GFRA2: variants seen among roughly 807,000 people sequenced by gnomAD.
GFRA2 encodes the protein GDNF family receptor alpha-2.
In GFRA2, 17 loss-of-function variants were observed where a neutral mutation model predicts 48.3. The observed-to-expected ratio is 0.35, with a 90% CI of 0.24 to 0.53. The LOEUF is 0.53. Among genes scored for constraint, GFRA2 ranks in the 20% least tolerant of loss-of-function variants. The probability of loss-of-function intolerance (pLI) is 0.93; values close to 1 mark genes in which losing one functional copy is unlikely to be tolerated. For missense variants in GFRA2, 660 were observed against 637.3 expected, an observed-to-expected ratio of 1.04 and a Z score of -0.38; for synonymous variants, 305 against 257.2, an observed-to-expected ratio of 1.19 and a Z score of -1.78.
At chr8:21,792,689 G>T (rs1807596245), upstream of GFRA2, among the ~76,000 whole-genome samples, 1 of 152,218 alleles carries the variant, frequency 6.6e-6, no homozygotes, top group Admixed American at 6.5e-5. Flanking sequence ...GCTGGAGCTG[G>T]AAGGATGGGT....
At chr8:21,695,518 C>T (rs1411447651) in intron 7 of GFRA2, among the ~76,000 whole-genome samples, 1 of 152,162 alleles carries the variant, frequency 6.6e-6, no homozygotes, top group Non-Finnish European at 1.5e-5. Context: ...GAGACGCTGG[C>T]CAAGAGTAGA....
At chr8:21,695,157 G>A (rs1001130010) in intron 7 of GFRA2, among the ~76,000 whole-genome samples, 4 of 152,220 alleles carry the variant, frequency 2.6e-5, no homozygotes, top group African/African-American at 9.6e-5. Flanking sequence ...TGTGGGCAAG[G>A]TGAGGGACGA....
intron 3 of GFRA2, among the ~76,000 whole-genome samples, chr8:21,766,510 C>T (rs146991058): frequency 9.2e-5 from 14 of 151,846 alleles, no homozygotes; most frequent in Non-Finnish European, 1.5e-4. Flanking sequence ...GCCTAAGCTC[C>T]CCGAGTTAGC....
At chr8:21,709,615 C>A (rs1802916457) in intron 4 of GFRA2, among the ~76,000 whole-genome samples, 1 of 152,180 alleles carries the variant, frequency 6.6e-6, no homozygotes, top group East Asian at 1.9e-4. Context: ...GGGACTGGGG[C>A]AGTGGGAGAT....
At chr8:21,789,730 C>T (rs1251420674), upstream of GFRA2, among the ~76,000 whole-genome samples, 1 of 151,946 alleles carries the variant, frequency 6.6e-6, no homozygotes, top group Non-Finnish European at 1.5e-5. Flanking sequence ...CGCTTGCCTC[C>T]CGCCCGCCCC....
At chr8:21,784,031 G>A (rs1223556360) in intron 1 of GFRA2, among the ~76,000 whole-genome samples, 11 of 151,346 alleles carry the variant, frequency 7.3e-5, no homozygotes, top group African/African-American at 1.9e-4. Context: ...TCCCCTCCTC[G>A]GACCCCAGCC....
chr8:21,724,227 T>TG (rs1201578361), intron 4 of GFRA2, among the ~76,000 whole-genome samples: 5 of 151,718 alleles, frequency 3.3e-5, no homozygotes, highest in African/African-American at 9.7e-5. Context: ...GATGGTCTTG[T>TG]GTGGGGGGCC....
intron 3 of GFRA2, among the ~76,000 whole-genome samples, chr8:21,754,761 G>A (rs540566145): frequency 3.2e-4 from 49 of 152,138 alleles, no homozygotes; most frequent in Non-Finnish European, 1.0e-4. Flanking sequence ...CGCCCGCCTC[G>A]GCCTCCAAAA....
chr8:21,738,516 T>C (rs77794910), intron 4 of GFRA2, among the ~76,000 whole-genome samples: 1 of 152,004 alleles, frequency 6.6e-6, no homozygotes, highest in African/African-American at 2.4e-5. Flanking sequence ...AAAACACTAG[T>C]TGAATCATGT....
At chr8:21,743,247 C>T (rs985920871) in intron 4 of GFRA2, among the ~76,000 whole-genome samples, 2 of 152,110 alleles carry the variant, frequency 1.3e-5, no homozygotes, top group African/African-American at 4.8e-5. Context: ...GGCCTTTTCC[C>T]CCCGACACTC....
intron 7 of GFRA2, among the ~76,000 whole-genome samples, chr8:21,701,370 G>A (rs1802467736): frequency 6.6e-6 from 1 of 152,302 alleles, no homozygotes; most frequent in African/African-American, 2.4e-5. Flanking sequence ...CTCCAGCCTG[G>A]GCGAGACTGC....
chr8:21,743,252 A>T (rs1472654234), intron 4 of GFRA2, among the ~76,000 whole-genome samples: 2 of 151,956 alleles, frequency 1.3e-5, no homozygotes, highest in Non-Finnish European at 2.9e-5. Context: ...TTTCCCCCCG[A>T]CACTCCTCTG....
At chr8:21,719,722 G>A (rs916090381) in intron 4 of GFRA2, among the ~76,000 whole-genome samples, 4 of 152,160 alleles carry the variant, frequency 2.6e-5, no homozygotes, top group South Asian at 2.1e-4. Context: ...ATGCTGATAC[G>A]GTTCTTGCTG....
chr8:21,723,379 A>G (rs553998355), intron 4 of GFRA2, among the ~76,000 whole-genome samples: 2 of 152,196 alleles, frequency 1.3e-5, no homozygotes, highest in Non-Finnish European at 2.9e-5. Context: ...AGGAAGAAAA[A>G]TCTGAGTCTA....
At chr8:21,748,937 G>A (rs771627878) in intron 4 of GFRA2, among the ~76,000 whole-genome samples, 3 of 152,088 alleles carry the variant, frequency 2.0e-5, no homozygotes, top group Non-Finnish European at 4.4e-5. Context: ...CTTCTTCCCT[G>A]GCTTTCTCCT....
chr8:21,753,318 A>G lies in GFRA2; in HGVS notation c.440-2376T>C, dbSNP rs531072116. On this transcript the variant is annotated intron_variant, in intron 3 of 8. Transcript: ENST00000524240. ...ATTTTGAAAATGTAATAAGAAAAAA[A>G]TTATGTAGGCTGGACACGGTGGTTC... 6.6e-5 allele frequency among the ~76,000 whole-genome samples: 10 copies of G among 152,328 alleles called. No homozygotes were observed. In the East Asian group the frequency reaches 1.9e-3, roughly 29 times the overall value.
rs1807388499 is a variant in GFRA2 at position 21,788,316 on chromosome 8, C to A, written c.-157G>T. On this transcript the variant is annotated 5_prime_UTR_variant, in exon 1 of 9. Transcript: ENST00000524240. Reference sequence around the variant, plus strand: ...CACCCGATGAAGATCCCGAGTCCTGCGATTCTCGCCTCTGGCTGGAGGGGG... The same window carrying A: ...CACCCGATGAAGATCCCGAGTCCTGAGATTCTCGCCTCTGGCTGGAGGGGG... The A allele has an allele frequency of 2.2e-6, 3 of 1,384,546 alleles. No homozygotes were observed. The highest frequency in any genetic ancestry group is 2.8e-6 in the Non-Finnish European group (3 of 1,069,906). 85.8% of individuals were successfully genotyped at this position (1,384,546 alleles called of 1,614,324 possible). A position where few individuals can be genotyped will look rare whatever the true frequency, so the allele number is the denominator to read the frequency against.
At chr8:21,806,537 C>A (rs1012638567) in intron 1 of GFRA2, among the ~76,000 whole-genome samples, 7 of 152,226 alleles carry the variant, frequency 4.6e-5, no homozygotes, top group Non-Finnish European at 8.8e-5. Context: ...ACGATCATAG[C>A]TCACCGCAGC....
At chr8:21,770,234 C>A (rs1806378848) in intron 3 of GFRA2, among the ~76,000 whole-genome samples, 1 of 152,240 alleles carries the variant, frequency 6.6e-6, no homozygotes, top group African/African-American at 2.4e-5. Flanking sequence ...TTCTAGAATG[C>A]CGGGTTCTAG....
Sources: gnomAD v4.1 joint callset for allele counts (sites outside exome capture counted in the v4.1 genomes callset) on GRCh38, gnomAD v4.1.1 for gene constraint, MANE v1.5 for transcripts, NCBI Gene and HGNC (gene_info 2026-07-23, HGNC 2026-07-21) for gene names.